MYT1L: variants seen among roughly 807,000 people sequenced by gnomAD.
MYT1L encodes the protein myelin transcription factor 1-like protein.
Under a neutral mutation model 126.7 loss-of-function variants are expected in MYT1L, and 12 were observed. The observed-to-expected ratio is 0.09, with a 90% CI of 0.06 to 0.15. MYT1L has a LOEUF of 0.15. MYT1L is among the 10% of genes least tolerant of loss of function. The probability of loss-of-function intolerance (pLI) is 1.00; values close to 1 mark genes in which losing one functional copy is unlikely to be tolerated. For missense variants in MYT1L, 979 were observed against 1,585.2 expected, an observed-to-expected ratio of 0.62 and a Z score of 6.49; for synonymous variants, 541 against 604.2, an observed-to-expected ratio of 0.90 and a Z score of 1.53.
At chr2:2,292,984 G>C (rs376233315) in intron 1 of MYT1L, among the ~76,000 whole-genome samples, 1 of 152,118 alleles carries the variant, frequency 6.6e-6, no homozygotes, top group African/African-American at 2.4e-5. Context: ...CCTCTGTCTT[G>C]CATGTTTATG....
chr2:2,041,503 T>C (rs1286477964), intron 4 of MYT1L, among the ~76,000 whole-genome samples: 1 of 152,232 alleles, frequency 6.6e-6, no homozygotes, highest in Non-Finnish European at 1.5e-5. Context: ...TTACTTTTCG[T>C]TTTACAAAGA....
intron 3 of MYT1L, among the ~76,000 whole-genome samples, chr2:2,079,426 C>A: frequency 6.6e-6 from 1 of 152,182 alleles, no homozygotes; most frequent in African/African-American, 2.4e-5. Flanking sequence ...AATTGATCTA[C>A]AGATCCAAAT....
intron 5 of MYT1L, among the ~76,000 whole-genome samples, chr2:1,996,286 T>A (rs2061830914): frequency 1.3e-5 from 2 of 151,434 alleles, no homozygotes; most frequent in Admixed American, 1.3e-4. Context: ...CAGAACCGAG[T>A]GTAGACAGGC....
chr2:2,173,566 T>A (rs563840944), intron 2 of MYT1L, among the ~76,000 whole-genome samples: 50 of 152,328 alleles, frequency 3.3e-4, no homozygotes, highest in Middle Eastern at 3.4e-3. Flanking sequence ...TATCTCAGTA[T>A]TAGAAACCAT....
At chr2:2,261,577 AT>A (rs2094969301) in intron 2 of MYT1L, among the ~76,000 whole-genome samples, 1 of 152,228 alleles carries the variant, frequency 6.6e-6, no homozygotes, top group Non-Finnish European at 1.5e-5. Context: ...AGATGTTCAG[AT>A]TTGGCTAATG....
chr2:1,973,199 C>A (rs2059933096), intron 8 of MYT1L, among the ~76,000 whole-genome samples: 1 of 152,132 alleles, frequency 6.6e-6, no homozygotes. Flanking sequence ...ATAAGTGTGT[C>A]CAATTCATTC....
At chr2:1,854,997 T>C (rs1390407273) in intron 18 of MYT1L, among the ~76,000 whole-genome samples, 1 of 152,174 alleles carries the variant, frequency 6.6e-6, no homozygotes, top group Non-Finnish European at 1.5e-5. Flanking sequence ...TTTCCGTCTT[T>C]AGGTGGTGCT....
At chr2:2,202,651 G>A (rs1330825292) in intron 2 of MYT1L, among the ~76,000 whole-genome samples, 1 of 152,116 alleles carries the variant, frequency 6.6e-6, no homozygotes, top group Non-Finnish European at 1.5e-5. Flanking sequence ...ACCAAAAAAT[G>A]TTCAGGACCA....
At chr2:1,844,638 A>G (rs1164721007) in intron 19 of MYT1L, among the ~76,000 whole-genome samples, 1 of 152,192 alleles carries the variant, frequency 6.6e-6, no homozygotes, top group Admixed American at 6.5e-5. Flanking sequence ...ATTTTGGGGC[A>G]GAAATACCTG....
chr2:2,143,379 T>C lies in MYT1L; in HGVS notation c.-304+29493A>G, dbSNP rs116152797. On this transcript the variant is annotated intron_variant, in intron 3 of 24. Transcript: ENST00000647738. ...AAAAACAGGAACTGACGGAGGAGGC[T>C]GTGCCTGGGGCCGAGGTGGTCGGTC... 4.9e-3 allele frequency among the ~76,000 whole-genome samples: 740 copies of C among 151,850 alleles called. 6 individuals are homozygous for C. Among genetic ancestry groups the C allele is most frequent in the African/African-American group, 0.017 (715 of 41,394 alleles).
chr2:2,321,417 T>C (rs2096163250), intron 1 of MYT1L, among the ~76,000 whole-genome samples: 1 of 152,170 alleles, frequency 6.6e-6, no homozygotes, highest in Non-Finnish European at 1.5e-5. Flanking sequence ...GCGACAATGC[T>C]CTGTGCTTTC....
chr2:1,805,620 TTA>T (rs2035575972), intron 22 of MYT1L, among the ~76,000 whole-genome samples: 1 of 152,222 alleles, frequency 6.6e-6, no homozygotes, highest in South Asian at 2.1e-4. Context: ...GCATAGTGGC[TTA>T]CACCTGTAAT....
At chr2:2,107,325 T>C (rs998410757) in intron 3 of MYT1L, among the ~76,000 whole-genome samples, 1 of 152,186 alleles carries the variant, frequency 6.6e-6, no homozygotes, top group African/African-American at 2.4e-5. Context: ...CAGCCGACCT[T>C]TGTGAATAAG....
chr2:2,012,024 G>T (rs2063875606), intron 4 of MYT1L, among the ~76,000 whole-genome samples: 1 of 152,208 alleles, frequency 6.6e-6, no homozygotes, highest in African/African-American at 2.4e-5. Context: ...CAGTGAGGCA[G>T]CTCCTGAACG....
At chr2:2,116,743 T>C (rs985666780) in intron 3 of MYT1L, among the ~76,000 whole-genome samples, 6 of 152,216 alleles carry the variant, frequency 3.9e-5, no homozygotes, top group Admixed American at 3.9e-4. Context: ...TGTAAGACCA[T>C]TGACCACCTT....
At chr2:1,886,487 A>T in intron 18 of MYT1L, 52 bp downstream of exon 18, 1 of 1,323,870 alleles carries the variant, frequency 7.6e-7, no homozygotes, top group Non-Finnish European at 1.0e-6. Flanking sequence ...TTTTTTTGTG[A>T]ACTACTGAGT....
Position 1,997,906 on chromosome 2 carries a change from T to C in MYT1L, c.-157-559A>G, listed in dbSNP as rs1428819058. Among the ~76,000 whole-genome samples, 14 of 152,240 alleles carry C rather than the reference T, an allele frequency of 9.2e-5. No homozygotes were observed. In the East Asian group the frequency reaches 2.7e-3, roughly 29 times the overall value. On this transcript the variant is annotated intron_variant, in intron 4 of 24. Transcript: ENST00000647738. ...ACCCATTATGTCATTTGGCCATCAA[T>C]TGAACTTTATGTGAATTTTATGAAT...
rs556407777 is a variant in MYT1L at position 2,197,954 on chromosome 2, C to T, written c.-420-24966G>A. On this transcript the variant is annotated intron_variant, in intron 2 of 24. Transcript: ENST00000647738. ...ATACACATGCACACACACATGCATACAATGAATATGTATAGGTATAAATAA... is the reference window on the plus strand; with the variant it reads ...ATACACATGCACACACACATGCATATAATGAATATGTATAGGTATAAATAA... Among the ~76,000 whole-genome samples the T allele has an allele frequency of 1.3e-4, 19 of 151,534 alleles. No individual in the cohort carries two copies. In the South Asian group the frequency reaches 3.8e-3, roughly 30 times the overall value.
intron 4 of MYT1L, among the ~76,000 whole-genome samples, chr2:2,049,777 C>A (rs1254886972): frequency 6.6e-6 from 1 of 152,124 alleles, no homozygotes; most frequent in African/African-American, 2.4e-5. Context: ...TCACTTGGTC[C>A]TCATTTCTCT....
Sources: allele counts gnomAD v4.1 joint callset (sites outside exome capture counted in the v4.1 genomes callset), GRCh38; gene constraint gnomAD v4.1.1; transcripts MANE v1.5; gene names NCBI Gene and HGNC (gene_info 2026-07-23, HGNC 2026-07-21).